PARD3: variants seen among roughly 807,000 people sequenced by gnomAD.
The protein encoded by PARD3 is partitioning defective 3 homolog.
Under a neutral mutation model 155.4 loss-of-function variants are expected in PARD3, and 75 were observed. The observed-to-expected ratio is 0.48, with a 90% CI of 0.40 to 0.58. The LOEUF (loss-of-function observed/expected upper bound fraction) is 0.58, where lower values mean the gene tolerates loss of function less well. Among genes scored for constraint, PARD3 ranks in the 20% least tolerant of loss-of-function variants. The probability of loss-of-function intolerance (pLI) is 0.00; values close to 1 mark genes in which losing one functional copy is unlikely to be tolerated. For missense variants in PARD3, 1,642 were observed against 1,721.7 expected, an observed-to-expected ratio of 0.95 and a Z score of 0.82; for synonymous variants, 576 against 610.5, an observed-to-expected ratio of 0.94 and a Z score of 0.83.
intron 20 of PARD3, among the ~76,000 whole-genome samples, chr10:34,285,610 A>G (rs1012078622): frequency 2.0e-5 from 3 of 151,924 alleles, no homozygotes; most frequent in African/African-American, 7.3e-5. Flanking sequence ...CAGAGAGGAG[A>G]AAAGGGTCCC....
intron 3 of PARD3, among the ~76,000 whole-genome samples, chr10:34,501,407 C>G (rs143967295): frequency 3.6e-4 from 55 of 152,162 alleles, no homozygotes; most frequent in African/African-American, 1.3e-3. Flanking sequence ...CAGAGGCTTC[C>G]CTAGATGCCA....
chr10:34,340,866 T>C (rs537884017), intron 16 of PARD3, among the ~76,000 whole-genome samples: 4 of 152,310 alleles, frequency 2.6e-5, no homozygotes, highest in South Asian at 2.1e-4. Context: ...TTTGCTGATA[T>C]ATTCATAAAA....
chr10:34,116,994 G>A (rs1946711353), intron 24 of PARD3, among the ~76,000 whole-genome samples: 1 of 152,190 alleles, frequency 6.6e-6, no homozygotes, highest in African/African-American at 2.4e-5. Flanking sequence ...CGGCGGGAAT[G>A]CATGAGCTAC....
intron 2 of PARD3, among the ~76,000 whole-genome samples, chr10:34,685,909 T>C (rs1472016358): frequency 1.3e-5 from 2 of 152,148 alleles, no homozygotes; most frequent in Non-Finnish European, 2.9e-5. Context: ...GCAATCATTT[T>C]AAAATTCGAG....
At chr10:34,804,493 T>C (rs1490897230) in intron 1 of PARD3, among the ~76,000 whole-genome samples, 1 of 152,236 alleles carries the variant, frequency 6.6e-6, no homozygotes, top group Non-Finnish European at 1.5e-5. Context: ...TTTACCTCCT[T>C]CTTCTGCAGG....
chr10:34,669,166 GTA>G (rs778212298), intron 2 of PARD3, among the ~76,000 whole-genome samples: 5 of 152,122 alleles, frequency 3.3e-5, no homozygotes, highest in Non-Finnish European at 5.9e-5. Context: ...ACTCATATAT[GTA>G]TCTCAGCACT....
chr10:34,494,128 A>T (rs1203152875), intron 3 of PARD3, among the ~76,000 whole-genome samples: 1 of 152,242 alleles, frequency 6.6e-6, no homozygotes, highest in Non-Finnish European at 1.5e-5. Context: ...GTCACCAAAA[A>T]TACACAGCAC....
intron 2 of PARD3, among the ~76,000 whole-genome samples, chr10:34,521,567 T>C (rs770220912): frequency 1.4e-4 from 22 of 152,218 alleles, no homozygotes; most frequent in Non-Finnish European, 2.6e-4. Context: ...GCAATAATTA[T>C]TAATCTCTCT....
At position 34,175,376 on chromosome 10, in the gene PARD3, C is replaced by T. The variant is rs1274574113; in HGVS notation, c.3420-43793G>A. 3.3e-5 allele frequency among the ~76,000 whole-genome samples: 5 copies of T among 152,248 alleles called. No homozygotes were observed. In the East Asian group the frequency reaches 7.7e-4, roughly 23 times the overall value. ...GCTAGTGTGTGTGTACATGTGTGTGCTTATGCCTGTGTCAGAACCCAAAGA... is the reference window on the plus strand; with the variant it reads ...GCTAGTGTGTGTGTACATGTGTGTGTTTATGCCTGTGTCAGAACCCAAAGA... On this transcript the variant is annotated intron_variant, in intron 22 of 24. Transcript: ENST00000374788.
In PARD3 at chr10:34,814,865, C is replaced by A. The variant is rs528136007; in HGVS notation, c.120+11G>T. Reference sequence around the variant, plus strand: ...GCCGCCCCCTCCCCGCCCGCGCCCCCGGCCCCTCACCTTGGCGATGGCCTT... The same window carrying A: ...GCCGCCCCCTCCCCGCCCGCGCCCCAGGCCCCTCACCTTGGCGATGGCCTT... On this transcript the variant is annotated intron_variant, in intron 1 of 24. Transcript: ENST00000374788. The A allele has an allele frequency of 6.7e-7, 1 of 1,499,118 alleles. No homozygotes were observed. Among genetic ancestry groups the A allele is most frequent in the Non-Finnish European group, 8.9e-7 (1 of 1,118,008 alleles). The allele number at this position is 1,499,118 out of a possible 1,614,324, so 92.9% of individuals were successfully genotyped here. A position where few individuals can be genotyped will look rare whatever the true frequency, so the allele number is the denominator to read the frequency against.
intron 22 of PARD3, among the ~76,000 whole-genome samples, chr10:34,240,658 G>T (rs1176451615): frequency 6.6e-6 from 1 of 152,048 alleles, no homozygotes; most frequent in Non-Finnish European, 1.5e-5. Context: ...TAAGAAACAG[G>T]AAGCACCATA....
chr10:34,537,921 T>TAAAATTTATA (rs1250708865), intron 2 of PARD3, among the ~76,000 whole-genome samples: 1 of 152,200 alleles, frequency 6.6e-6, no homozygotes, highest in Non-Finnish European at 1.5e-5. Flanking sequence ...AGGTTATTTA[T>TAAAATTTATA]AAATTGCTGC....
Position 34,811,503 on chromosome 10 carries a change from C to T in PARD3, c.120+3373G>A, listed in dbSNP as rs547632109. 4.6e-5 allele frequency among the ~76,000 whole-genome samples: 7 copies of T among 152,276 alleles called. No homozygotes were observed. In the South Asian group the frequency reaches 1.5e-3, roughly 32 times the overall value. ...CCCTATATCAAGGTCAGCCTTCCCA[C>T]CAACCAAGCCCAGTTCAAATCCTAG... On this transcript the variant is annotated intron_variant, in intron 1 of 24. Transcript: ENST00000374788.
At chr10:34,702,090 G>T (rs147029615) in intron 1 of PARD3, among the ~76,000 whole-genome samples, 2 of 151,994 alleles carry the variant, frequency 1.3e-5, no homozygotes, top group South Asian at 4.2e-4. Context: ...GCTTGAACCC[G>T]GGAGGCAGAG....
chr10:34,273,702 G>T (rs531047651), intron 21 of PARD3, among the ~76,000 whole-genome samples: 1 of 152,280 alleles, frequency 6.6e-6, no homozygotes, highest in Admixed American at 6.5e-5. Context: ...AACTTCCTAT[G>T]AATCTAAAAT....
chr10:34,304,749 A>G (rs1447461473), intron 20 of PARD3, among the ~76,000 whole-genome samples: 1 of 152,212 alleles, frequency 6.6e-6, no homozygotes, highest in African/African-American at 2.4e-5. Flanking sequence ...AGTACCTTAT[A>G]GGGTTATTAT....
In PARD3 at chr10:34,691,631, C is replaced by T. The variant is rs557757677; in HGVS notation, c.222+4687G>A. 3.3e-5 allele frequency among the ~76,000 whole-genome samples: 5 copies of T among 152,262 alleles called. No individual in the cohort carries two copies. In the East Asian group the frequency reaches 7.7e-4, roughly 24 times the overall value. On this transcript the variant is annotated intron_variant, in intron 2 of 24. Transcript: ENST00000374788. Reference sequence around the variant, plus strand: ...AGAACTGAAAAAGAGCCTGAATAGCCAAGGCAATCCTAAGCAAAAAGAACA... The same window carrying T: ...AGAACTGAAAAAGAGCCTGAATAGCTAAGGCAATCCTAAGCAAAAAGAACA...
intron 1 of PARD3, among the ~76,000 whole-genome samples, chr10:34,698,682 T>C (rs1265051761): frequency 6.6e-6 from 1 of 152,136 alleles, no homozygotes; most frequent in Admixed American, 6.6e-5. Flanking sequence ...GCTGGGATGA[T>C]AGGCATGAGC....
chr10:34,601,462 A>G (rs1005457722), intron 2 of PARD3, among the ~76,000 whole-genome samples: 1 of 152,222 alleles, frequency 6.6e-6, no homozygotes, highest in African/African-American at 2.4e-5. Flanking sequence ...TGAATAAATA[A>G]GTAAATAAAA....
Sources: allele counts gnomAD v4.1 joint callset (sites outside exome capture counted in the v4.1 genomes callset), GRCh38; gene constraint gnomAD v4.1.1; transcripts MANE v1.5; gene names NCBI Gene and HGNC (gene_info 2026-07-23, HGNC 2026-07-21).